KLF5: variants seen among roughly 807,000 people sequenced by gnomAD.
The protein encoded by KLF5 is Krueppel-like factor 5.
A neutral mutation model predicts 36.9 loss-of-function variants in KLF5; 9 were observed. The ratio of observed to expected loss-of-function variants is 0.24; its 90% CI spans 0.15 to 0.43. The LOEUF (loss-of-function observed/expected upper bound fraction) is 0.43. KLF5 is among the 20% of genes least tolerant of loss of function. The pLI, the probability that KLF5 is intolerant of heterozygous loss-of-function variation, is 1.00. For missense variants in KLF5, 524 were observed against 599.5 expected (o/e 0.87, Z 1.31); for synonymous variants, 246 against 241.7 (o/e 1.02, Z -0.17).
In KLF5 at chr13:73,062,112, C is replaced by T. The variant is rs148013304; in HGVS notation, c.513C>T (p.His171=). ...IKTEPVAIFS[H]QSETTAPPPA... ...CAGAACCTGTTGCCATTTTCAGCCA[C>T]CAGAGTGAAACGACTGCCCCTCCTC... is the stretch of plus-strand genomic sequence containing the variant. The change falls in exon 2 of 4, where the codon CAC becomes CAT. Residue 171 remains histidine (H), a synonymous_variant. Transcript: ENST00000377687. The T allele has an allele frequency of 6.2e-7, 1 of 1,614,138 alleles. No individual in the cohort carries two copies. The highest frequency in any genetic ancestry group is 8.5e-7 in the Non-Finnish European group (1 of 1,180,028).
At chr13:73,075,028 G>A (rs1191799297) in intron 3 of KLF5, 1 of 151,926 alleles carries the variant, frequency 6.6e-6, no homozygotes, top group African/African-American at 2.4e-5. Context: ...GAAGTTATCA[G>A]TACCAGACTA....
At chr13:73,059,758 T>A in intron 1 of KLF5, 170 bp downstream of exon 1, 1 of 693,388 alleles carries the variant, frequency 1.4e-6, no homozygotes. Context: ...GGGCCCCGCG[T>A]TTCGCTGAGA....
At chr13:73,067,581 TTTTC>T (rs1041326976) in intron 3 of KLF5, among the ~76,000 whole-genome samples, 50 of 152,284 alleles carry the variant, frequency 3.3e-4, no homozygotes, top group African/African-American at 1.1e-3. Flanking sequence ...TTTCTAGATT[TTTTC>T]TTTCTTTTTT....
Position 73,059,392 on chromosome 13 carries a change from A to G in KLF5, c.65A>G (p.Gln22Arg), listed in dbSNP as rs1566562401. 2 of 1,401,314 alleles carry G rather than the reference A, an allele frequency of 1.4e-6. No individual in the cohort carries two copies. Among genetic ancestry groups the G allele is most frequent in the Non-Finnish European group, 1.9e-6 (2 of 1,078,486 alleles). 86.8% of individuals were successfully genotyped at this position (1,401,314 alleles called of 1,614,324 possible). A position where few individuals can be genotyped will look rare whatever the true frequency, so the allele number is the denominator to read the frequency against. The change falls in exon 1 of 4, where the codon CAG becomes CGG. Residue 22 changes from glutamine to arginine, a missense_variant. By Grantham distance (43) the Gln-to-Arg change is conservative (BLOSUM62 1). Around this residue, in one of 4 missense-constraint regions of KLF5, gnomAD observed 454 missense variants for 458.1 expected, o/e 0.99. Coordinates refer to ENST00000377687, the MANE Select transcript of KLF5 (RefSeq NM_001730.5). Reference sequence around the variant, plus strand: ...CCCGTGCCCCAGCCGCCGGCGCCGCAGGACGAGCCGGTGTTCGCGCAGCTC... The same window carrying G: ...CCCGTGCCCCAGCCGCCGGCGCCGCGGGACGAGCCGGTGTTCGCGCAGCTC... ...LGPVPQPPAP[Q>R]DEPVFAQLKP... is the part of the protein sequence containing the mutation.
At chr13:73,065,010 A>G (rs1350686376) in intron 3 of KLF5, among the ~76,000 whole-genome samples, 6 of 152,220 alleles carry the variant, frequency 3.9e-5, no homozygotes, top group African/African-American at 4.8e-5. Flanking sequence ...AAGAACTTAT[A>G]TAAAGTGATT....
At chr13:73,070,390 T>C (rs2044714033) in intron 3 of KLF5, among the ~76,000 whole-genome samples, 1 of 152,174 alleles carries the variant, frequency 6.6e-6, no homozygotes, top group African/African-American at 2.4e-5. Context: ...CATTGACACT[T>C]TAACGTCAGT....
intron 2 of KLF5, 79 bp downstream of exon 2, chr13:73,062,813 G>T: frequency 2.4e-6 from 3 of 1,245,980 alleles, no homozygotes; most frequent in Non-Finnish European, 2.2e-6. Flanking sequence ...GCGTGTGCGT[G>T]TGTGCACGCG....
Position 73,062,348 on chromosome 13 carries a change from A to G in KLF5, c.749A>G (p.Asp250Gly), listed in dbSNP as rs754874654. Residue 250 changes from aspartate (D) to glycine (G), a missense_variant, in exon 2 of 4, where the codon GAC becomes GGC. Asp to Gly is a moderately conservative substitution (Grantham distance 94, BLOSUM62 -1). Around this residue, in one of 4 missense-constraint regions of KLF5, gnomAD observed 454 missense variants for 458.1 expected, o/e 0.99. Coordinates refer to ENST00000377687, the MANE Select transcript of KLF5 (RefSeq NM_001730.5). ...PSSTNQTAAM[D>G]TLNVSMSAAM... ...TCTACAAATCAGACAGCAGCAATGG[A>G]CACTCTTAATGTTTCTATGTCAGCT... The G allele has an allele frequency of 6.2e-7, 1 of 1,614,202 alleles. No individual in the cohort carries two copies. Among genetic ancestry groups the G allele is most frequent in the Non-Finnish European group, 8.5e-7 (1 of 1,180,042 alleles).
rs1180590441 is a variant in KLF5, at chr13:73,061,983, A to G, written c.384A>G (p.Glu128=). The G allele has an allele frequency of 6.2e-7, 1 of 1,614,224 alleles. No individual in the cohort carries two copies. The highest frequency in any genetic ancestry group is 1.7e-5 in the Admixed American group (1 of 60,028). The change falls in exon 2 of 4, where the codon GAA becomes GAG. Residue 128 remains glutamate (E), a synonymous_variant. Coordinates refer to ENST00000377687, the MANE Select transcript of KLF5 (RefSeq NM_001730.5). ...TAGACCAGTTCTTCACTGACACTGA[A>G]GGGTTACCTTACAGTATCAACATGA... The part of the protein sequence containing the change: ...SVVDQFFTDT[E]GLPYSINMNV...
At chr13:73,062,774 T>TGTGC in intron 2 of KLF5, 40 bp downstream of exon 2, 1 of 1,331,676 alleles carries the variant, frequency 7.5e-7, no homozygotes, top group Non-Finnish European at 1.0e-6. Context: ...ATAGATGTAG[T>TGTGC]GTGTGTGTGT....
chr13:73,068,894 G>A (rs1354452835), intron 3 of KLF5, among the ~76,000 whole-genome samples: 1 of 151,836 alleles, frequency 6.6e-6, no homozygotes, highest in Non-Finnish European at 1.5e-5. Context: ...TCAGGGGTTC[G>A]AGACCAGCCT....
intron 3 of KLF5, 99 bp downstream of exon 3, chr13:73,063,982 A>ATTT: frequency 2.1e-6 from 1 of 477,644 alleles, no homozygotes; most frequent in Non-Finnish European, 3.5e-6. Context: ...TCTCCTGTCA[A>ATTT]CTTTGTTTTT....
intron 2 of KLF5, among the ~76,000 whole-genome samples, chr13:73,063,550 G>A (rs886516977): frequency 1.3e-5 from 2 of 152,306 alleles, no homozygotes; most frequent in Non-Finnish European, 2.9e-5. Context: ...CGGAAGTACA[G>A]CACCTACTGG....
chr13:73,062,826 T>C, intron 2 of KLF5, 92 bp downstream of exon 2: 1 of 1,143,374 alleles, frequency 8.7e-7, no homozygotes, highest in Admixed American at 2.3e-5. Context: ...TGCACGCGCG[T>C]GCCCTTTTCA....
rs2044759032 is a variant in KLF5 at position 73,076,065 on chromosome 13, G to A, written c.*179G>A. 1.9e-6 allele frequency: 1 copy of A among 522,468 alleles called. No individual in the cohort carries two copies. The highest frequency in any genetic ancestry group is 1.9e-5 in the African/African-American group (1 of 51,768). 32.4% of individuals were successfully genotyped at this position (522,468 alleles called of 1,614,324 possible). On this transcript the variant is annotated 3_prime_UTR_variant, in exon 4 of 4. Coordinates refer to ENST00000377687, the MANE Select transcript of KLF5 (RefSeq NM_001730.5). ...ACATTGTATTAATACCAAAGTGTTTGGTCATTTTAAGAATCTGGAATGCTT... is the reference window on the plus strand; with the variant it reads ...ACATTGTATTAATACCAAAGTGTTTAGTCATTTTAAGAATCTGGAATGCTT...
intron 3 of KLF5, among the ~76,000 whole-genome samples, chr13:73,064,197 A>T (rs1372019982): frequency 6.6e-6 from 1 of 151,778 alleles, no homozygotes; most frequent in Non-Finnish European, 1.5e-5. Context: ...GTTTTGAAGG[A>T]AAAAAAACAA....
At chr13:73,075,648 G>A (rs1366196216) in intron 3 of KLF5, 60 bp from the exon 4 acceptor site, 2 of 1,354,902 alleles carry the variant, frequency 1.5e-6, no homozygotes, top group African/African-American at 1.5e-5. Flanking sequence ...CTTCTCCGGT[G>A]TTATCTAGGA....
Position 73,075,862 on chromosome 13 carries a change from G to A in KLF5, c.1350G>A (p.Leu450=). ...TCTCGCGCTCTGACCACCTGGCCCTGCATATGAAGAGGCACCAGAACTGAG... is the reference window on the plus strand; with the variant it reads ...TCTCGCGCTCTGACCACCTGGCCCTACATATGAAGAGGCACCAGAACTGAG... The part of the protein sequence containing the change: ...RSFSRSDHLA[L]HMKRHQN The change falls in exon 4 of 4, where the codon CTG becomes CTA. Residue 450 remains leucine (L), a synonymous_variant. Coordinates refer to ENST00000377687, the MANE Select transcript of KLF5 (RefSeq NM_001730.5). 6.2e-7 allele frequency: 1 copy of A among 1,604,298 alleles called. No individual in the cohort carries two copies. Among genetic ancestry groups the A allele is most frequent in the South Asian group, 1.1e-5 (1 of 90,672 alleles).
intron 1 of KLF5, among the ~76,000 whole-genome samples, chr13:73,061,056 G>C (rs546678218): frequency 1.3e-5 from 2 of 152,036 alleles, no homozygotes; most frequent in Admixed American, 1.3e-4. Flanking sequence ...ACTGTGCTAG[G>C]GATACAGCAG....
Sources: allele counts gnomAD v4.1 joint callset (sites outside exome capture counted in the v4.1 genomes callset), GRCh38; gene constraint gnomAD v4.1.1; regional missense constraint gnomAD v4.1.1; transcripts MANE v1.5; gene names NCBI Gene and HGNC (gene_info 2026-07-23, HGNC 2026-07-21).